PSMG2: variants seen among roughly 807,000 people sequenced by gnomAD.
The protein encoded by PSMG2 is proteasome assembly chaperone 2.
In PSMG2, 21 loss-of-function variants were observed where a neutral mutation model predicts 31.5. The observed-to-expected ratio is 0.67, with a 90% CI of 0.47 to 0.96. The LOEUF (loss-of-function observed/expected upper bound fraction) is 0.96. PSMG2 is among the 40% of genes least tolerant of loss of function. PSMG2 has a pLI of 0.00. For synonymous variants in PSMG2, 120 were observed against 110.4 expected (o/e 1.09, Z -0.54); for missense variants, 318 against 321.2 (o/e 0.99, Z 0.08).
intron 1 of PSMG2, among the ~76,000 whole-genome samples, chr18:12,659,352 C>T (rs2144929747): frequency 6.6e-6 from 1 of 152,150 alleles, no homozygotes; most frequent in East Asian, 1.9e-4. Context: ...AGAAAAGCAA[C>T]AGGACGAAAA....
At chr18:12,691,203 G>A in intron 1 of PSMG2, 1 of 493,478 alleles carries the variant, frequency 2.0e-6, no homozygotes. Context: ...CACTCACTAT[G>A]CAGTGAAAGA....
intron 1 of PSMG2, chr18:12,684,930 TAAAC>T (rs1312296063): frequency 1.3e-5 from 2 of 152,176 alleles, no homozygotes; most frequent in East Asian, 1.9e-4. Flanking sequence ...AAATACAAAC[TAAAC>T]AAACTAAATA....
intron 1 of PSMG2, among the ~76,000 whole-genome samples, chr18:12,665,429 A>C (rs1814571534): frequency 6.6e-6 from 1 of 152,086 alleles, no homozygotes; most frequent in Non-Finnish European, 1.5e-5. Flanking sequence ...TCCCCTGAAC[A>C]GTTCTGTTAA....
At chr18:12,676,048 A>C (rs951237965) in intron 1 of PSMG2, among the ~76,000 whole-genome samples, 1 of 152,150 alleles carries the variant, frequency 6.6e-6, no homozygotes, top group Non-Finnish European at 1.5e-5. Context: ...ACAAATACAA[A>C]AAATTCTCAA....
chr18:12,698,789 G>A (rs1031249545), upstream of PSMG2: 2 of 574,242 alleles, frequency 3.5e-6, no homozygotes, highest in African/African-American at 1.9e-5. Context: ...TAATATCCAG[G>A]GAAAATGAAT....
chr18:12,722,453 C>T (rs1028095703), intron 5 of PSMG2, among the ~76,000 whole-genome samples: 6 of 152,090 alleles, frequency 3.9e-5, no homozygotes, highest in African/African-American at 1.4e-4. Flanking sequence ...GCAGAGAATC[C>T]GAGGGCAGGG....
At chr18:12,711,246 T>C (rs1455077430) in intron 2 of PSMG2, among the ~76,000 whole-genome samples, 1 of 149,984 alleles carries the variant, frequency 6.7e-6, no homozygotes, top group East Asian at 1.9e-4. Flanking sequence ...CACTTCAGCC[T>C]GGGTGACAGA....
chr18:12,681,381 G>A (rs948632936), intron 1 of PSMG2, among the ~76,000 whole-genome samples: 8 of 150,978 alleles, frequency 5.3e-5, no homozygotes, highest in African/African-American at 2.0e-4. Flanking sequence ...CAAGTAGCTG[G>A]GACTAAAGGT....
chr18:12,681,690 C>T lies in PSMG2; in HGVS notation c.-37+22917C>T, dbSNP rs183848286. 2.9e-3 allele frequency among the ~76,000 whole-genome samples: 435 copies of T among 152,084 alleles called. 2 individuals carry two copies. Among genetic ancestry groups the T allele is most frequent in the African/African-American group, 0.01 (416 of 41,440 alleles). On this transcript the variant is annotated intron_variant, in intron 1 of 6. Coordinates refer to the PSMG2 transcript ENST00000585331. ...TGTGATAATTTCAAGAAAATACATA[C>T]ATAAGAAAAATGACTGGCAAGAACA...
chr18:12,720,588 A>G lies in PSMG2; in HGVS notation c.486A>G (p.Glu162=). 1 of 1,613,852 alleles carries G rather than the reference A, an allele frequency of 6.2e-7. No individual in the cohort carries two copies. Among genetic ancestry groups the G allele is most frequent in the South Asian group, 1.1e-5 (1 of 91,040 alleles). The change falls in exon 5 of 7, where the codon GAA becomes GAG. Residue 162 remains glutamate (E), a synonymous_variant. Transcript: ENST00000317615. ...QNKIKSLNWE[E]MEKSRCIPEI... The stretch of plus-strand genomic sequence containing the variant: ...AAATAAAGAGCCTTAACTGGGAAGA[A>G]ATGGAAAAAAGCCGGTGCATTCCTG...
intron 1 of PSMG2, among the ~76,000 whole-genome samples, chr18:12,688,122 T>A (rs2039610956): frequency 6.6e-6 from 1 of 151,070 alleles, no homozygotes; most frequent in Admixed American, 6.6e-5. Flanking sequence ...TCCCAGCAAC[T>A]TAGGAGGCTG....
chr18:12,672,913 CAATA>C (rs2144973954), intron 1 of PSMG2: 6 of 983,920 alleles, frequency 6.1e-6, no homozygotes, highest in Non-Finnish European at 6.0e-6. Flanking sequence ...TTCACCAATG[CAATA>C]AATAAATCTG....
At chr18:12,673,437 T>G (rs2039000700) in intron 1 of PSMG2, 1 of 1,600,692 alleles carries the variant, frequency 6.2e-7, no homozygotes, top group East Asian at 2.3e-5. Context: ...AAGTAAATAC[T>G]CGGACACGAA....
At chr18:12,718,875 T>A (rs2040403236) in intron 4 of PSMG2, among the ~76,000 whole-genome samples, 1 of 152,090 alleles carries the variant, frequency 6.6e-6, no homozygotes, top group Admixed American at 6.5e-5. Context: ...AGAGAGAGTT[T>A]GGGAACCATG....
chr18:12,705,576 A>AGAGAGAGAGAGAGT (rs1465866538), intron 1 of PSMG2, among the ~76,000 whole-genome samples: 1 of 129,678 alleles, frequency 7.7e-6, no homozygotes, highest in African/African-American at 3.0e-5. Context: ...AGAGAGAGAG[A>AGAGAGAGAGAGAGT]GTGTGTGTGT....
intron 1 of PSMG2, among the ~76,000 whole-genome samples, chr18:12,672,408 G>T (rs149566359): frequency 6.6e-6 from 1 of 152,140 alleles, no homozygotes; most frequent in Non-Finnish European, 1.5e-5. Flanking sequence ...AAACCACTAC[G>T]CCGAGCCTTA....
Position 12,724,695 on chromosome 18 carries a change from T to C in PSMG2, c.702+76T>C, listed in dbSNP as rs2049130502. On this transcript the variant is annotated intron_variant, in intron 6 of 6. Coordinates refer to ENST00000317615, the MANE Select transcript of PSMG2 (RefSeq NM_020232.5). ...ACTCGCACTTTATATACTACCTAAG[T>C]AGACCAAGTAAGTGAACGTTTGTAT... 3.8e-6 allele frequency: 5 copies of C among 1,311,434 alleles called. 1 individual carries two copies. In the Middle Eastern group the frequency reaches 9.8e-4, roughly 258 times the overall value. The allele number at this position is 1,311,434 out of a possible 1,614,324, so 81.2% of individuals were successfully genotyped here.
intron 2 of PSMG2, among the ~76,000 whole-genome samples, chr18:12,712,422 T>G (rs2040340280): frequency 6.6e-6 from 1 of 152,202 alleles, no homozygotes; most frequent in Non-Finnish European, 1.5e-5. Context: ...GGAATACTTC[T>G]CTGGTTTTGC....
intron 2 of PSMG2, among the ~76,000 whole-genome samples, chr18:12,707,511 A>C (rs981318601): frequency 6.6e-6 from 1 of 152,230 alleles, no homozygotes; most frequent in Non-Finnish European, 1.5e-5. Flanking sequence ...TAAGGCTCAA[A>C]GAGATTGACT....
Sources: gnomAD v4.1 joint callset for allele counts (sites outside exome capture counted in the v4.1 genomes callset) on GRCh38, gnomAD v4.1.1 for gene constraint, MANE v1.5 for transcripts, NCBI Gene and HGNC (gene_info 2026-07-23, HGNC 2026-07-21) for gene names.